The following ZC3H12C variants were observed in gnomAD, a reference collection of about 807,000 sequenced individuals.
ZC3H12C encodes the protein probable ribonuclease ZC3H12C.
In ZC3H12C, 20 loss-of-function variants were observed where a neutral mutation model predicts 76.3. The observed-to-expected ratio is 0.26, with a 90% CI of 0.18 to 0.38. The LOEUF (loss-of-function observed/expected upper bound fraction) is 0.38. Ranked by LOEUF, ZC3H12C falls within the 10% of genes least tolerant of loss-of-function variation. The pLI is 1.00. For missense variants in ZC3H12C, 874 were observed against 1,086.5 expected, an observed-to-expected ratio of 0.80 and a Z score of 2.75; for synonymous variants, 352 against 399.6, an observed-to-expected ratio of 0.88 and a Z score of 1.42.
Position 110,166,123 on chromosome 11 carries a change from C to T in ZC3H12C, c.*386C>T, listed in dbSNP as rs1023060335. On this transcript the variant is annotated 3_prime_UTR_variant, in exon 6 of 6. Transcript: ENST00000278590. ...TTTGTCTATCAATTGCAAGCAATTA[C>T]AATACCTTCAGAATGTGGGACATTT... is the stretch of plus-strand genomic sequence containing the variant. 6.4e-5 allele frequency: 11 copies of T among 171,990 alleles called. No individual in the cohort carries two copies. Among genetic ancestry groups the T allele is most frequent in the Non-Finnish European group, 1.4e-4 (11 of 80,612 alleles). The allele number at this position is 171,990 out of a possible 1,614,324, so 10.7% of individuals were successfully genotyped here.
Position 110,136,569 on chromosome 11 carries a change from T to TTTGAGTAG in ZC3H12C, c.22-86_22-79dup, listed in dbSNP as rs146516439. On this transcript the variant is annotated intron_variant, in intron 1 of 5. Transcript: ENST00000278590. ...AGGATGTAGACAAAATACAAAGTAT[T>TTTGAGTAG]TTGAGTAGTTGAGTAATTCTCTTCT... 3.4e-3 allele frequency: 4,648 copies of TTTGAGTAG among 1,367,976 alleles called. 107 individuals are homozygous for TTTGAGTAG. The African/African-American group carries it at 0.054, about 16-fold the overall frequency. 84.7% of individuals were successfully genotyped at this position (1,367,976 alleles called of 1,614,324 possible). A position where few individuals can be genotyped will look rare whatever the true frequency, so the allele number is the denominator to read the frequency against.
At chr11:110,138,342 C>T (rs1162286362) in intron 2 of ZC3H12C, among the ~76,000 whole-genome samples, 4 of 151,950 alleles carry the variant, frequency 2.6e-5, no homozygotes, top group Non-Finnish European at 5.9e-5. Context: ...ATCTGAGGGA[C>T]TTATGGAAAA....
intron 2 of ZC3H12C, among the ~76,000 whole-genome samples, chr11:110,148,014 A>T (rs1321534485): frequency 6.6e-6 from 1 of 152,234 alleles, no homozygotes; most frequent in Non-Finnish European, 1.5e-5. Flanking sequence ...TAGGACCTAG[A>T]TAGAGGCAAA....
intron 1 of ZC3H12C, chr11:110,130,956 G>C: frequency 1.8e-5 from 25 of 1,405,838 alleles, no homozygotes; most frequent in Non-Finnish European, 2.4e-5. Context: ...TATTCCACTC[G>C]GTAATAGGTT....
Position 110,137,190 on chromosome 11 carries a change from A to C in ZC3H12C, c.549A>C (p.Leu183=), listed in dbSNP as rs992678639. The change falls in exon 2 of 6, where the codon CTA becomes CTC. Residue 183 remains leucine, a synonymous_variant. Transcript: ENST00000278590. ...GYSEEQVQLV[L]NKLGTDALIN... ...CTGAAGAACAGGTTCAGCTTGTACT[A>C]AACAAACTTGGTACTGATGCTTTAA... 3 of 1,613,944 alleles carry C rather than the reference A, an allele frequency of 1.9e-6. No homozygotes were observed. Among genetic ancestry groups the C allele is most frequent in the Non-Finnish European group, 2.5e-6 (3 of 1,179,856 alleles).
chr11:110,130,818 G>A (rs945973325), intron 1 of ZC3H12C, among the ~76,000 whole-genome samples: 1 of 152,016 alleles, frequency 6.6e-6, no homozygotes, highest in South Asian at 2.1e-4. Context: ...CATGCTGCCC[G>A]GGGCAGACCC....
intron 1 of ZC3H12C, among the ~76,000 whole-genome samples, chr11:110,101,597 G>T (rs1031556125): frequency 2.7e-5 from 4 of 150,362 alleles, no homozygotes; most frequent in Admixed American, 6.7e-5. Context: ...GCCCAGGCTG[G>T]AATGCAGTGG....
At chr11:110,136,360 G>A (rs1034878623) in intron 1 of ZC3H12C, 4 of 249,982 alleles carry the variant, frequency 1.6e-5, no homozygotes, top group Non-Finnish European at 3.0e-5. Context: ...AGATTGAGAA[G>A]GAGCATGATA....
rs1862184517 is a variant in ZC3H12C at position 110,147,062 on chromosome 11, T to C, written c.774-5857T>C. Among the ~76,000 whole-genome samples, 3 of 152,292 alleles carry C rather than the reference T, an allele frequency of 2.0e-5. No individual in the cohort carries two copies. The South Asian group carries it at 6.2e-4, about 32-fold the overall frequency. Reference sequence around the variant, plus strand: ...AGTCTCCTCTTGTTTGAGGAGGCAGTCAGCTTCCTGAGGCCAGGGCACTCC... The same window carrying C: ...AGTCTCCTCTTGTTTGAGGAGGCAGCCAGCTTCCTGAGGCCAGGGCACTCC... On this transcript the variant is annotated intron_variant, in intron 2 of 5. Coordinates refer to ENST00000278590, the MANE Select transcript of ZC3H12C (RefSeq NM_033390.2).
chr11:110,144,675 T>A (rs572941615), intron 2 of ZC3H12C, among the ~76,000 whole-genome samples: 1 of 152,184 alleles, frequency 6.6e-6, no homozygotes, highest in Non-Finnish European at 1.5e-5. Flanking sequence ...CACCTGTAAT[T>A]TCCAAGGTTT....
chr11:110,115,748 C>CTTTTTTTTTTTTTT (rs71476067), intron 1 of ZC3H12C, among the ~76,000 whole-genome samples: 2 of 120,320 alleles, frequency 1.7e-5, no homozygotes, highest in Non-Finnish European at 3.4e-5. Flanking sequence ...TTCTCATTTT[C>CTTTTTTTTTTTTTT]TTTTTTTTTT....
chr11:110,148,075 T>C (rs1002789743), intron 2 of ZC3H12C, among the ~76,000 whole-genome samples: 2 of 152,164 alleles, frequency 1.3e-5, no homozygotes, highest in African/African-American at 4.8e-5. Flanking sequence ...CAGAAAGAGG[T>C]CAAGAACCTG....
intron 2 of ZC3H12C, among the ~76,000 whole-genome samples, chr11:110,137,682 T>C (rs1861995498): frequency 1.3e-5 from 2 of 152,182 alleles, no homozygotes; most frequent in South Asian, 4.1e-4. Flanking sequence ...GTATAAAAAT[T>C]AGTGTGTGTT....
chr11:110,146,015 C>A (rs890373402), intron 2 of ZC3H12C, among the ~76,000 whole-genome samples: 2 of 152,190 alleles, frequency 1.3e-5, no homozygotes, highest in Non-Finnish European at 2.9e-5. Flanking sequence ...GAGACGGAGT[C>A]TTGCTCTGTC....
Position 110,105,497 on chromosome 11 carries a change from ATTAC to A in ZC3H12C, c.21+12068_21+12071del, listed in dbSNP as rs556643676. Among the ~76,000 whole-genome samples the A allele has an allele frequency of 3.6e-3, 555 of 152,286 alleles. 2 individuals carry two copies. Among genetic ancestry groups the A allele is most frequent in the African/African-American group, 0.012 (490 of 41,586 alleles). On this transcript the variant is annotated intron_variant, in intron 1 of 5. Coordinates refer to ENST00000278590, the MANE Select transcript of ZC3H12C (RefSeq NM_033390.2). Reference sequence around the variant, plus strand: ...GAAGTGTTTTCTAAACTACATTTCTATTACTTTGACTATTTCAGCTTATCTTTTA... The same window carrying A: ...GAAGTGTTTTCTAAACTACATTTCTATTTGACTATTTCAGCTTATCTTTTA...
intron 1 of ZC3H12C, among the ~76,000 whole-genome samples, chr11:110,130,433 T>C (rs530975236): frequency 5.9e-5 from 9 of 152,298 alleles, no homozygotes; most frequent in African/African-American, 2.2e-4. Flanking sequence ...AAACTACACA[T>C]TTTCCACTAT....
At chr11:110,158,885 T>C (rs1862426226) in intron 3 of ZC3H12C, among the ~76,000 whole-genome samples, 1 of 152,222 alleles carries the variant, frequency 6.6e-6, no homozygotes. Flanking sequence ...CCACACAGCA[T>C]ACAGCTGCTT....
chr11:110,138,094 C>A (rs1021463262), intron 2 of ZC3H12C, among the ~76,000 whole-genome samples: 5 of 151,492 alleles, frequency 3.3e-5, no homozygotes, highest in African/African-American at 9.7e-5. Flanking sequence ...CTACCTATAG[C>A]AAAATATATA....
At chr11:110,142,629 G>A (rs983887274) in intron 2 of ZC3H12C, among the ~76,000 whole-genome samples, 8 of 152,004 alleles carry the variant, frequency 5.3e-5, no homozygotes, top group Non-Finnish European at 1.2e-4. Flanking sequence ...TACTGCTGTT[G>A]AGCTCATAAC....
Sources: gnomAD v4.1 joint callset for allele counts (sites outside exome capture counted in the v4.1 genomes callset) on GRCh38, gnomAD v4.1.1 for gene constraint, MANE v1.5 for transcripts, NCBI Gene and HGNC (gene_info 2026-07-23, HGNC 2026-07-21) for gene names.